THBS4: variants seen among roughly 807,000 people sequenced by gnomAD.
THBS4 encodes thrombospondin-4.
In THBS4, 90 loss-of-function variants were observed where a neutral mutation model predicts 115.7. The ratio of observed to expected loss-of-function variants is 0.78; its 90% CI spans 0.66 to 0.93. THBS4 has a LOEUF of 0.93. Among genes scored for constraint, THBS4 ranks in the 40% least tolerant of loss-of-function variants. The pLI is 0.00. For synonymous variants in THBS4, 460 were observed against 479.3 expected, an observed-to-expected ratio of 0.96 and a Z score of 0.53; for missense variants, 1,087 against 1,232.7, an observed-to-expected ratio of 0.88 and a Z score of 1.77.
rs1833579654 is a variant in THBS4 at position 80,060,015 on chromosome 5, A to G, written c.987+110A>G. The G allele has an allele frequency of 1.9e-5, 21 of 1,081,738 alleles. No individual in the cohort carries two copies. The South Asian group carries it at 2.9e-4, about 15-fold the overall frequency. 67.0% of individuals were successfully genotyped at this position (1,081,738 alleles called of 1,614,324 possible). On this transcript the variant is annotated intron_variant, in intron 7 of 21. Coordinates refer to ENST00000350881, the MANE Select transcript of THBS4 (RefSeq NM_003248.6). ...TAAGGGCTGACTTGGGCTGTCCTCC[A>G]GGCTCCATTGAAACCACTTGCTTGG...
chr5:80,003,922 T>A (rs1052973695), intron 2 of THBS4, among the ~76,000 whole-genome samples: 2 of 152,246 alleles, frequency 1.3e-5, no homozygotes, highest in African/African-American at 4.8e-5. Context: ...TCTGTTTCTT[T>A]AAAATTAAAA....
chr5:80,078,073 A>C lies in THBS4; in HGVS notation c.2111A>C (p.Glu704Ala). The C allele has an allele frequency of 6.3e-7, 1 of 1,596,452 alleles. No homozygotes were observed. The highest frequency in any genetic ancestry group is 8.6e-7 in the Non-Finnish European group (1 of 1,168,108). The part of the protein sequence containing the change: ...SNSDGVGDIC[E>A]SDFDQDQVID... ...GGCGACGGAGTGGGAGACATCTGTG[A>C]GTCTGACTTTGACCAGGACCAGGTC... Residue 704 changes from glutamate (E) to alanine (A), a missense_variant, in exon 17 of 22, where the codon GAG (glutamate) becomes GCG (alanine). This residue lies in a region of THBS4 where 979 missense variants were observed against 1,103.7 expected (regional missense o/e 0.89). Transcript: ENST00000350881.
At chr5:80,007,288 C>G (rs1832037371) in intron 2 of THBS4, among the ~76,000 whole-genome samples, 1 of 152,156 alleles carries the variant, frequency 6.6e-6, no homozygotes, top group South Asian at 2.1e-4. Flanking sequence ...GTTAAAAGAA[C>G]TAAATTAATT....
At chr5:80,071,505 A>G (rs544705553) in intron 13 of THBS4, among the ~76,000 whole-genome samples, 1 of 152,184 alleles carries the variant, frequency 6.6e-6, no homozygotes, top group East Asian at 1.9e-4. Flanking sequence ...ACTCTCCACT[A>G]TCCTTTCTAC....
chr5:80,029,141 C>T (rs1832537289), intron 2 of THBS4, among the ~76,000 whole-genome samples: 1 of 152,202 alleles, frequency 6.6e-6, no homozygotes, highest in Admixed American at 6.5e-5. Flanking sequence ...TTCCCAGCTA[C>T]TTGGGAGGCT....
At chr5:80,055,370 C>G (rs1426274564) in intron 2 of THBS4, among the ~76,000 whole-genome samples, 4 of 151,588 alleles carry the variant, frequency 2.6e-5, no homozygotes, top group Non-Finnish European at 5.9e-5. Flanking sequence ...CACCTAAGGA[C>G]AGCCCCCAGC....
chr5:80,034,960 T>C (rs201719643), upstream of THBS4, among the ~76,000 whole-genome samples: 1 of 152,166 alleles, frequency 6.6e-6, no homozygotes, highest in East Asian at 1.9e-4. Context: ...TTCTTCTTTT[T>C]AGAAAACAAA....
rs375890805 is a variant in THBS4 at position 80,078,036 on chromosome 5, C to G, written c.2087-13C>G. ...GCGCTATTGAGCTCCTGTCCTTTCT[C>G]CACCCCACTCAGGCGACGGAGTGGG... On this transcript the variant is annotated splice_polypyrimidine_tract_variant and intron_variant, in intron 16 of 21. Transcript: ENST00000350881. 141 of 1,558,020 alleles carry G rather than the reference C, an allele frequency of 9.0e-5. 1 individual carries two copies. The highest frequency in any genetic ancestry group is 8.1e-4 in the South Asian group (68 of 83,820).
chr5:80,055,903 G>C lies in THBS4; in HGVS notation c.411G>C (p.Gly137=), dbSNP rs777483264. The C allele has an allele frequency of 1.9e-6, 3 of 1,614,132 alleles. No individual in the cohort carries two copies. In the South Asian group the frequency reaches 3.3e-5, roughly 18 times the overall value. The change falls in exon 3 of 22, where the codon GGG becomes GGC. Residue 137 remains glycine, a synonymous_variant. Transcript: ENST00000350881. ...ILLRLSNLQR[G]AGSLELYLDC... Reference sequence around the variant, plus strand: ...TGAGGCTGAGCAATTTGCAGCGAGGGGCCGGCTCCCTAGAGCTCTACCTGG... The same window carrying C: ...TGAGGCTGAGCAATTTGCAGCGAGGCGCCGGCTCCCTAGAGCTCTACCTGG...
chr5:79,993,134 G>T (rs531771189), intron 1 of THBS4, among the ~76,000 whole-genome samples: 2 of 152,162 alleles, frequency 1.3e-5, no homozygotes, highest in Non-Finnish European at 2.9e-5. Context: ...GCCTTCTTCC[G>T]TACTGCTGCT....
At chr5:80,020,807 T>C (rs1410994423) in intron 2 of THBS4, among the ~76,000 whole-genome samples, 1 of 152,180 alleles carries the variant, frequency 6.6e-6, no homozygotes, top group Non-Finnish European at 1.5e-5. Context: ...TTCTAAGGAC[T>C]ACATGGCATT....
chr5:80,070,256 T>C (rs751967081), intron 10 of THBS4, 50 bp from the exon 11 acceptor site: 4 of 1,489,276 alleles, frequency 2.7e-6, no homozygotes, highest in Non-Finnish European at 3.6e-6. Flanking sequence ...AGCCACCAGC[T>C]TCCTGCCAGG....
intron 1 of THBS4, among the ~76,000 whole-genome samples, chr5:79,997,564 A>ATG (rs57242517): frequency 6.7e-5 from 1 of 15,024 alleles, no homozygotes; most frequent in Non-Finnish European, 1.1e-4. Flanking sequence ...TAACTATAAC[A>ATG]TAAGCTATAG....
intron 2 of THBS4, among the ~76,000 whole-genome samples, chr5:80,012,817 A>G (rs1311971311): frequency 6.6e-6 from 1 of 152,158 alleles, no homozygotes; most frequent in Non-Finnish European, 1.5e-5. Flanking sequence ...AGGAAATTTC[A>G]CTCTACTTAA....
At chr5:80,004,547 G>C (rs1364509596) in intron 2 of THBS4, among the ~76,000 whole-genome samples, 1 of 152,134 alleles carries the variant, frequency 6.6e-6, no homozygotes, top group East Asian at 1.9e-4. Flanking sequence ...GGAAAGACTA[G>C]AAGCAAGCAA....
chr5:80,061,544 G>T, intron 7 of THBS4, 151 bp from the exon 8 acceptor site: 5 of 1,020,246 alleles, frequency 4.9e-6, no homozygotes, highest in Non-Finnish European at 6.9e-6. Context: ...GGATTCAGTG[G>T]GTAACTGGAG....
chr5:80,012,647 C>T (rs1256785456), intron 2 of THBS4, among the ~76,000 whole-genome samples: 1 of 152,204 alleles, frequency 6.6e-6, no homozygotes, highest in Non-Finnish European at 1.5e-5. Flanking sequence ...CTCCAAGGCT[C>T]TGATTTCCTG....
chr5:80,058,086 T>G (rs913094109), intron 3 of THBS4, 120 bp from the exon 4 acceptor site: 6 of 688,420 alleles, frequency 8.7e-6, no homozygotes, highest in Non-Finnish European at 1.2e-5. Context: ...CAAAATTATG[T>G]AAGATGTCAG....
At chr5:80,082,363 G>A (rs771203350) in intron 20 of THBS4, 43 bp from the exon 21 acceptor site, 55 of 1,608,400 alleles carry the variant, frequency 3.4e-5, no homozygotes, top group East Asian at 4.5e-5. Context: ...ACTTTACCCC[G>A]GGTTGGATTT....
Sources: allele counts gnomAD v4.1 joint callset (sites outside exome capture counted in the v4.1 genomes callset), GRCh38; gene constraint gnomAD v4.1.1; regional missense constraint gnomAD v4.1.1; transcripts MANE v1.5; gene names NCBI Gene and HGNC (gene_info 2026-07-23, HGNC 2026-07-21).